The following CCSER2 variants were observed in gnomAD, a reference collection of about 807,000 sequenced individuals.
CCSER2 encodes coiled-coil serine rich protein 2.
A neutral mutation model predicts 92.3 loss-of-function variants in CCSER2; 46 were observed. The observed-to-expected ratio is 0.50, with a 90% CI of 0.39 to 0.64. CCSER2 has a LOEUF of 0.64. Among genes scored for constraint, CCSER2 ranks in the 30% least tolerant of loss-of-function variants. The pLI, the probability that CCSER2 is intolerant of heterozygous loss-of-function variation, is 0.00. For synonymous variants in CCSER2, 433 were observed against 431.4 expected, an observed-to-expected ratio of 1.00 and a Z score of -0.04; for missense variants, 1,244 against 1,238.9, an observed-to-expected ratio of 1.00 and a Z score of -0.06.
chr10:84,417,964 C>T (rs1286842491), intron 4 of CCSER2, 103 bp downstream of exon 4: 1 of 666,122 alleles, frequency 1.5e-6, no homozygotes. Flanking sequence ...CTTAATGGAG[C>T]CTTTCAGACT....
intron 9 of CCSER2, 79 bp from the exon 10 acceptor site, chr10:84,513,370 A>G: frequency 9.2e-7 from 1 of 1,092,188 alleles, no homozygotes; most frequent in Admixed American, 2.3e-5. Context: ...AAGTACCAAC[A>G]CAGCCTAATT....
At chr10:84,472,322 A>G (rs1476383539) in intron 8 of CCSER2, among the ~76,000 whole-genome samples, 1 of 152,296 alleles carries the variant, frequency 6.6e-6, no homozygotes, top group Non-Finnish European at 1.5e-5. Flanking sequence ...TAATCCGAGC[A>G]CTTTGGGAGG....
chr10:84,516,371 A>T lies in CCSER2; in HGVS notation c.*2104A>T, dbSNP rs1849597088. 1 of 152,230 alleles carries T rather than the reference A, an allele frequency of 6.6e-6. No individual in the cohort carries two copies. The highest frequency in any genetic ancestry group is 1.5e-5 in the Non-Finnish European group (1 of 68,050). 9.4% of individuals were successfully genotyped at this position (152,230 alleles called of 1,614,324 possible). On this transcript the variant is annotated 3_prime_UTR_variant, in exon 10 of 10. Transcript: ENST00000372088. ...GTCCAGATACTGTTAGAGTCAGGCAAATCAGCAAAGCACTTTGTTATGGAG... is the reference window on the plus strand; with the variant it reads ...GTCCAGATACTGTTAGAGTCAGGCATATCAGCAAAGCACTTTGTTATGGAG...
rs1329491430 is a variant in CCSER2, at chr10:84,371,081, T to G, written c.29T>G (p.Phe10Cys). Residue 10 changes from phenylalanine to cysteine, a missense_variant, in exon 2 of 10, where the codon TTT (phenylalanine) becomes TGT (cysteine). Physicochemically the swap from Phe to Cys is radical, Grantham distance 205. Transcript: ENST00000372088. MEEKTQIKTFLGSKLPKYGT... is the reference protein window; with the variant it reads MEEKTQIKTCLGSKLPKYGT... ...GAAGAAAAAACACAAATCAAGACATTTTTGGGTTCCAAGTTGCCAAAGTAT... is the reference window on the plus strand; with the variant it reads ...GAAGAAAAAACACAAATCAAGACATGTTTGGGTTCCAAGTTGCCAAAGTAT... 1.1e-5 allele frequency: 18 copies of G among 1,596,186 alleles called. No individual in the cohort carries two copies. The highest frequency in any genetic ancestry group is 1.5e-5 in the Non-Finnish European group (18 of 1,173,174).
chr10:84,391,871 T>C (rs751889840), intron 3 of CCSER2: 167 of 1,450,832 alleles, frequency 1.2e-4, no homozygotes, highest in Admixed American at 1.7e-4. Context: ...CAAGATTTTA[T>C]ATTTTTTTGT....
intron 9 of CCSER2, among the ~76,000 whole-genome samples, chr10:84,496,096 T>C (rs1010317413): frequency 3.3e-5 from 5 of 152,204 alleles, no homozygotes; most frequent in Admixed American, 1.3e-4. Flanking sequence ...GTAGGCATTA[T>C]ATTTCACACA....
chr10:84,358,378 G>A (rs1420426596), intron 1 of CCSER2, among the ~76,000 whole-genome samples: 3 of 152,072 alleles, frequency 2.0e-5, no homozygotes, highest in Non-Finnish European at 4.4e-5. Context: ...GAGAGAGGAG[G>A]AGATTCATGT....
At chr10:84,421,874 A>G (rs1372008649) in intron 4 of CCSER2, among the ~76,000 whole-genome samples, 1 of 152,182 alleles carries the variant, frequency 6.6e-6, no homozygotes, top group African/African-American at 2.4e-5. Context: ...CTATATAGAA[A>G]TGTGATTGGA....
At chr10:84,446,953 A>G (rs914452324) in intron 6 of CCSER2, among the ~76,000 whole-genome samples, 1 of 149,604 alleles carries the variant, frequency 6.7e-6, no homozygotes, top group African/African-American at 2.5e-5. Context: ...TCATTTCTCT[A>G]TTGGTGCTCC....
chr10:84,437,816 G>T (rs1366564840), intron 5 of CCSER2, among the ~76,000 whole-genome samples: 4 of 151,374 alleles, frequency 2.6e-5, no homozygotes, highest in African/African-American at 9.7e-5. Context: ...AGGTTCAGGG[G>T]ATTCTCCTGC....
At chr10:84,352,177 G>A (rs1333246202) in intron 1 of CCSER2, among the ~76,000 whole-genome samples, 1 of 152,096 alleles carries the variant, frequency 6.6e-6, no homozygotes, top group Admixed American at 6.5e-5. Context: ...GGTGGCACAC[G>A]CCTATAGTCC....
chr10:84,506,401 A>G (rs1849045335), intron 9 of CCSER2, among the ~76,000 whole-genome samples: 1 of 152,210 alleles, frequency 6.6e-6, no homozygotes, highest in Non-Finnish European at 1.5e-5. Flanking sequence ...TATTAGGGAT[A>G]CAAATTAAGT....
chr10:84,335,241 TTTTTTTTTTTG>T (rs1843771447), intron 1 of CCSER2, among the ~76,000 whole-genome samples: 1 of 136,834 alleles, frequency 7.3e-6, no homozygotes. Context: ...TTTTTTTTTT[TTTTTTTTTTTG>T]AGACAGGGTC....
At chr10:84,418,182 G>A (rs1205324300) in intron 4 of CCSER2, among the ~76,000 whole-genome samples, 1 of 152,080 alleles carries the variant, frequency 6.6e-6, no homozygotes, top group Non-Finnish European at 1.5e-5. Context: ...AGGAAGAAAT[G>A]TATTTACAGA....
Position 84,513,655 on chromosome 10 carries a change from C to T in CCSER2, c.2532C>T (p.Gly844=). The T allele has an allele frequency of 6.3e-7, 1 of 1,575,778 alleles. No individual in the cohort carries two copies. ...YGLEEQPFSS[G]PQLTMDVAKS... is the part of the protein sequence containing the mutation. The stretch of plus-strand genomic sequence containing the variant: ...TGGAAGAGCAGCCTTTTTCATCAGG[C>T]CCACAATTAACAATGGATGTGGCTA... The change falls in exon 10 of 10, where the codon GGC becomes GGT. Residue 844 remains glycine, a synonymous_variant. Coordinates refer to ENST00000372088, the MANE Select transcript of CCSER2 (RefSeq NM_001284240.2).
At chr10:84,424,376 C>A (rs147860043) in intron 4 of CCSER2, among the ~76,000 whole-genome samples, 2,084 of 151,424 alleles carry the variant, frequency 0.014, 16 homozygotes, top group Non-Finnish European at 0.017. Flanking sequence ...AACAAAAATT[C>A]TTTTTTCACA....
rs34510394 is a variant in CCSER2, at chr10:84,465,314, ATTTTTT to A, written c.2148+1322_2148+1327del. Among the ~76,000 whole-genome samples the A allele has an allele frequency of 4.4e-4, 22 of 49,898 alleles. 1 individual carries two copies. Among genetic ancestry groups the A allele is most frequent in the East Asian group, 1.7e-3 (3 of 1,792 alleles). 32.7% of individuals were successfully genotyped at this position (49,898 alleles called of 152,430 possible). A position where few individuals can be genotyped will look rare whatever the true frequency, so the allele number is the denominator to read the frequency against. Reference sequence around the variant, plus strand: ...GTGAAAAAGTTTTTTACATGTAAAGATTTTTTTTTTTTTTTTTTTTTTTTTTTTTAG... The same window carrying A: ...GTGAAAAAGTTTTTTACATGTAAAGATTTTTTTTTTTTTTTTTTTTTTTAG... On this transcript the variant is annotated intron_variant, in intron 7 of 9. Coordinates refer to ENST00000372088, the MANE Select transcript of CCSER2 (RefSeq NM_001284240.2).
chr10:84,486,054 C>G (rs1212153581), intron 9 of CCSER2, among the ~76,000 whole-genome samples: 4 of 152,170 alleles, frequency 2.6e-5, no homozygotes, highest in Admixed American at 2.6e-4. Flanking sequence ...TCATCCATGT[C>G]CCTACAAAGG....
chr10:84,384,669 T>C (rs1841092336), intron 3 of CCSER2, among the ~76,000 whole-genome samples: 1 of 152,132 alleles, frequency 6.6e-6, no homozygotes, highest in Admixed American at 6.6e-5. Flanking sequence ...AACATCATAC[T>C]GAATAGGCAA....
Sources: allele counts gnomAD v4.1 joint callset (sites outside exome capture counted in the v4.1 genomes callset), GRCh38; gene constraint gnomAD v4.1.1; transcripts MANE v1.5; gene names NCBI Gene and HGNC (gene_info 2026-07-23, HGNC 2026-07-21).